SHCBP1L: variants seen among roughly 807,000 people sequenced by gnomAD.
The protein encoded by SHCBP1L is testicular spindle-associated protein SHCBP1L.
Under a neutral mutation model 62.5 loss-of-function variants are expected in SHCBP1L, and 67 were observed. The observed-to-expected ratio is 1.07, with a 90% CI of 0.88 to 1.31. The LOEUF (loss-of-function observed/expected upper bound fraction) is 1.31. Among genes scored for constraint, SHCBP1L ranks in the 40% most tolerant of loss-of-function variants. The pLI, the probability that SHCBP1L is intolerant of heterozygous loss-of-function variation, is 0.00. For synonymous variants in SHCBP1L, 284 were observed against 289.4 expected (o/e 0.98, Z 0.19); for missense variants, 823 against 809.8 (o/e 1.02, Z -0.20).
In SHCBP1L at chr1:182,899,994, C is replaced by T; in HGVS notation, c.1951G>A (p.Val651Ile). The change falls in exon 10 of 10, where the codon GTC becomes ATC. Residue 651 changes from valine to isoleucine, a missense_variant. By Grantham distance (29) the Val-to-Ile change is conservative. Transcript: ENST00000367547. ...EANVKGDIRIVTS is the reference protein window; with the variant it reads ...EANVKGDIRIITS The stretch of plus-strand genomic sequence containing the variant: ...TCAATTCAGACGCTTTAACTTGTGA[C>T]TATTCTGATATCCCCCTTGACGTTT... 1.9e-6 allele frequency: 3 copies of T among 1,603,020 alleles called. No individual in the cohort carries two copies. The highest frequency in any genetic ancestry group is 2.6e-6 in the Non-Finnish European group (3 of 1,175,416).
At chr1:182,906,004 G>A (rs144008022) in intron 6 of SHCBP1L, among the ~76,000 whole-genome samples, 7 of 152,004 alleles carry the variant, frequency 4.6e-5, no homozygotes, top group East Asian at 1.9e-4. Flanking sequence ...CTGCGATCTC[G>A]GCTCACTGCA....
At chr1:182,924,931 G>GAAAGAAAGA (rs1557997068) in intron 6 of SHCBP1L, among the ~76,000 whole-genome samples, 2 of 25,294 alleles carry the variant, frequency 7.9e-5, no homozygotes, top group African/African-American at 3.3e-4. Flanking sequence ...AGGAAGGAAG[G>GAAAGAAAGA]AAGGAAGAAA....
chr1:182,908,487 A>G (rs1165655348), intron 6 of SHCBP1L, among the ~76,000 whole-genome samples: 1 of 152,208 alleles, frequency 6.6e-6, no homozygotes, highest in South Asian at 2.1e-4. Flanking sequence ...CATGGTGTAC[A>G]TGTACCACAT....
intron 8 of SHCBP1L, among the ~76,000 whole-genome samples, 161 bp downstream of exon 8, chr1:182,904,019 T>C (rs1384258257): frequency 6.6e-6 from 1 of 152,214 alleles, no homozygotes; most frequent in Non-Finnish European, 1.5e-5. Context: ...AAATGTACTA[T>C]GACACTCCAG....
intron 6 of SHCBP1L, among the ~76,000 whole-genome samples, chr1:182,910,224 CA>C (rs1341806051): frequency 6.6e-6 from 1 of 152,142 alleles, no homozygotes; most frequent in African/African-American, 2.4e-5. Flanking sequence ...AACACAGCAA[CA>C]AAGGAAATGC....
In SHCBP1L at chr1:182,940,209, C is replaced by G; in HGVS notation, c.770+120G>C. ...TTAATTTAAAATGGACAAATTTAAT[C>G]CAGCAGTAGTGAGTGAAAATTAAAT... is the stretch of plus-strand genomic sequence containing the variant. On this transcript the variant is annotated intron_variant, in intron 3 of 9. Transcript: ENST00000367547. 6 of 681,332 alleles carry G rather than the reference C, an allele frequency of 8.8e-6. No homozygotes were observed. In the South Asian group the frequency reaches 1.7e-4, roughly 19 times the overall value. 42.2% of individuals were successfully genotyped at this position (681,332 alleles called of 1,614,324 possible).
chr1:182,915,949 G>A (rs970090227), intron 6 of SHCBP1L, among the ~76,000 whole-genome samples: 1 of 151,944 alleles, frequency 6.6e-6, no homozygotes, highest in African/African-American at 2.4e-5. Context: ...TGGGACCACA[G>A]GCGCCCGCCA....
At chr1:182,918,239 TATATATACAC>T (rs1380044175) in intron 6 of SHCBP1L, among the ~76,000 whole-genome samples, 2 of 148,730 alleles carry the variant, frequency 1.3e-5, no homozygotes, top group African/African-American at 4.9e-5. Context: ...TATATATACA[TATATATACAC>T]ACATATATAT....
At chr1:182,914,851 T>C in intron 6 of SHCBP1L, among the ~76,000 whole-genome samples, 1 of 151,596 alleles carries the variant, frequency 6.6e-6, no homozygotes, top group East Asian at 1.9e-4. Flanking sequence ...TAAAGAAAAA[T>C]AATCCAACTA....
At chr1:182,925,484 A>G (rs927049292) in intron 6 of SHCBP1L, among the ~76,000 whole-genome samples, 1 of 152,208 alleles carries the variant, frequency 6.6e-6, no homozygotes, top group Non-Finnish European at 1.5e-5. Context: ...TCAAAACTAC[A>G]ATGAAATACC....
In SHCBP1L at chr1:182,899,904, C is replaced by A; in HGVS notation, c.*79G>T. 8.4e-7 allele frequency: 1 copy of A among 1,186,524 alleles called. No homozygotes were observed. The highest frequency in any genetic ancestry group is 2.1e-5 in the South Asian group (1 of 48,402). 73.5% of individuals were successfully genotyped at this position (1,186,524 alleles called of 1,614,324 possible). On this transcript the variant is annotated 3_prime_UTR_variant, in exon 10 of 10. Transcript: ENST00000367547. ...TTTTTAATTAAGCTTTGAATTGAAA[C>A]TACCATTTCAGTGGGGTATGAGAAT...
At chr1:182,930,551 GTATATATATA>G (rs10536791) in intron 5 of SHCBP1L, among the ~76,000 whole-genome samples, 9,978 of 49,214 alleles carry the variant, frequency 0.2, 897 homozygotes, top group African/African-American at 0.26. Flanking sequence ...TAGTGTGTGT[GTATATATATA>G]TATATATATA....
chr1:182,930,542 A>AGT (rs199725936), intron 5 of SHCBP1L, among the ~76,000 whole-genome samples: 132 of 68,028 alleles, frequency 1.9e-3, no homozygotes, highest in South Asian at 6.9e-3. Context: ...ATGTGGCTTT[A>AGT]GTGTGTGTGT....
intron 6 of SHCBP1L, among the ~76,000 whole-genome samples, chr1:182,910,706 A>G (rs1650153245): frequency 6.6e-6 from 1 of 152,222 alleles, no homozygotes; most frequent in South Asian, 2.1e-4. Flanking sequence ...AAGATACCCA[A>G]GAAGAACCTA....
Position 182,908,541 on chromosome 1 carries a change from C to T in SHCBP1L, c.1183-2892G>A, listed in dbSNP as rs184704429. The stretch of plus-strand genomic sequence containing the variant: ...CATCAATGGGCACCTCGGTTGATTC[C>T]CTGTCTTTGCTATTATGAATAGCAC... On this transcript the variant is annotated intron_variant, in intron 6 of 9. Transcript: ENST00000367547. Among the ~76,000 whole-genome samples, 511 of 152,236 alleles carry T rather than the reference C, an allele frequency of 3.4e-3. 11 individuals are homozygous for T. The highest frequency in any genetic ancestry group is 2.6e-3 in the Non-Finnish European group (176 of 68,020).
At chr1:182,933,559 T>C (rs1651075940) in intron 5 of SHCBP1L, among the ~76,000 whole-genome samples, 2 of 152,290 alleles carry the variant, frequency 1.3e-5, no homozygotes, top group South Asian at 4.1e-4. Flanking sequence ...AGGGTGTTAA[T>C]TTGTCATATG....
At chr1:182,923,172 T>C (rs1332745080) in intron 6 of SHCBP1L, among the ~76,000 whole-genome samples, 2 of 152,116 alleles carry the variant, frequency 1.3e-5, no homozygotes, top group South Asian at 2.1e-4. Context: ...TCTCCCAAGA[T>C]TGAACCAGGA....
intron 6 of SHCBP1L, among the ~76,000 whole-genome samples, chr1:182,913,562 T>C (rs1650256729): frequency 6.6e-6 from 1 of 152,236 alleles, no homozygotes; most frequent in Non-Finnish European, 1.5e-5. Context: ...CTTGAAAACG[T>C]AATGGCCGAA....
chr1:182,920,707 A>G (rs938806901), intron 6 of SHCBP1L, among the ~76,000 whole-genome samples: 3 of 152,218 alleles, frequency 2.0e-5, no homozygotes, highest in African/African-American at 7.2e-5. Flanking sequence ...CAGTCACTTT[A>G]TGAAAGAATC....
Sources: gnomAD v4.1 joint callset for allele counts (sites outside exome capture counted in the v4.1 genomes callset) on GRCh38, gnomAD v4.1.1 for gene constraint, MANE v1.5 for transcripts, NCBI Gene and HGNC (gene_info 2026-07-23, HGNC 2026-07-21) for gene names.